Variants in GTF2IRD1 observed in about 807,000 individuals in gnomAD.
The protein encoded by GTF2IRD1 is general transcription factor II-I repeat domain-containing protein 1.
GTF2IRD1 carries 26 observed loss-of-function variants against 113.2 expected under a neutral mutation model. The ratio of observed to expected loss-of-function variants is 0.23; its 90% CI spans 0.17 to 0.32. The LOEUF is 0.32. Among genes scored for constraint, GTF2IRD1 ranks in the 10% least tolerant of loss-of-function variants. The pLI, the probability that GTF2IRD1 is intolerant of heterozygous loss-of-function variation, is 1.00. For missense variants in GTF2IRD1, 864 were observed against 1,280.8 expected (o/e 0.67, Z 4.97); for synonymous variants, 484 against 529.1 (o/e 0.91, Z 1.17).
intron 22 of GTF2IRD1, among the ~76,000 whole-genome samples, chr7:74,569,120 A>G (rs1397960122): frequency 3.0e-4 from 46 of 151,372 alleles, no homozygotes; most frequent in Non-Finnish European, 3.1e-4. Flanking sequence ...GAAGTAGCTC[A>G]CTCTCCTCTG....
chr7:74,588,135 T>C (rs1801832993), intron 22 of GTF2IRD1, among the ~76,000 whole-genome samples: 1 of 149,440 alleles, frequency 6.7e-6, no homozygotes, highest in East Asian at 2.0e-4. Context: ...GAGACGGAGT[T>C]TCGCTCTTGT....
chr7:74,483,380 A>T (rs1282565917), intron 1 of GTF2IRD1, among the ~76,000 whole-genome samples: 2 of 151,994 alleles, frequency 1.3e-5, no homozygotes, highest in Non-Finnish European at 2.9e-5. Context: ...TCTAAAAAAA[A>T]AAAAATTTTT....
At chr7:74,463,913 G>A (rs1011834740) in intron 1 of GTF2IRD1, among the ~76,000 whole-genome samples, 4 of 151,970 alleles carry the variant, frequency 2.6e-5, no homozygotes, top group Non-Finnish European at 5.9e-5. Flanking sequence ...TAGTAGAGGC[G>A]GAGTTTCACC....
chr7:74,470,107 C>T (rs1793990481), intron 1 of GTF2IRD1, among the ~76,000 whole-genome samples: 1 of 152,102 alleles, frequency 6.6e-6, no homozygotes, highest in Non-Finnish European at 1.5e-5. Context: ...CAGCTATTCT[C>T]CTGCCTCAGC....
chr7:74,583,378 T>C (rs1254394888), intron 22 of GTF2IRD1, among the ~76,000 whole-genome samples: 20 of 148,440 alleles, frequency 1.3e-4, no homozygotes, highest in African/African-American at 4.5e-4. Flanking sequence ...TTTCTTTTTT[T>C]TTTTTTTTTT....
At chr7:74,546,121 C>T (rs1264086572) in intron 16 of GTF2IRD1, among the ~76,000 whole-genome samples, 3 of 152,074 alleles carry the variant, frequency 2.0e-5, no homozygotes, top group African/African-American at 7.2e-5. Context: ...CCGCCCTCAC[C>T]CTCATCCAGG....
intron 1 of GTF2IRD1, among the ~76,000 whole-genome samples, chr7:74,480,632 C>G (rs1794683316): frequency 6.6e-6 from 1 of 152,174 alleles, no homozygotes; most frequent in Non-Finnish European, 1.5e-5. Flanking sequence ...CAGGCTCAGG[C>G]TTTAAATAAC....
chr7:74,479,395 A>G (rs546285399), intron 1 of GTF2IRD1, among the ~76,000 whole-genome samples: 1 of 107,614 alleles, frequency 9.3e-6, no homozygotes, highest in Admixed American at 1.3e-4. Flanking sequence ...AGGCCCGACC[A>G]GGACACGTGG....
intron 22 of GTF2IRD1, among the ~76,000 whole-genome samples, chr7:74,579,192 G>A (rs1442684276): frequency 3.3e-5 from 5 of 152,168 alleles, no homozygotes; most frequent in Non-Finnish European, 5.9e-5. Context: ...GTGGTGGTAT[G>A]CACCTGTAGG....
chr7:74,519,642 C>T lies in GTF2IRD1; in HGVS notation c.839C>T (p.Ala280Val). Residue 280 changes from alanine to valine, a missense_variant, in exon 6 of 27, where the codon GCC becomes GTC. Coordinates refer to ENST00000424337, the MANE Select transcript of GTF2IRD1 (RefSeq NM_005685.4). Reference protein sequence around the residue: ...LKQEAPSCPLAPSDLGLSRPM... With the variant: ...LKQEAPSCPLVPSDLGLSRPM... ...CAGGAAGCACCTTCCTGCCCCCTTGCCCCCAGCGACCTGGGCCTGAGTCGG... is the reference window on the plus strand; with the variant it reads ...CAGGAAGCACCTTCCTGCCCCCTTGTCCCCAGCGACCTGGGCCTGAGTCGG... The T allele has an allele frequency of 6.2e-7, 1 of 1,610,556 alleles. No individual in the cohort carries two copies. The highest frequency in any genetic ancestry group is 8.5e-7 in the Non-Finnish European group (1 of 1,178,656).
At chr7:74,514,920 G>C (rs1796837128) in intron 3 of GTF2IRD1, among the ~76,000 whole-genome samples, 1 of 151,910 alleles carries the variant, frequency 6.6e-6, no homozygotes, top group African/African-American at 2.4e-5. Flanking sequence ...AGCTGGGTAA[G>C]GTGGCAGGCG....
chr7:74,538,699 C>G lies in GTF2IRD1; in HGVS notation c.1467C>G (p.Gly489=). 1 of 1,602,558 alleles carries G rather than the reference C, an allele frequency of 6.2e-7. No individual in the cohort carries two copies. Among genetic ancestry groups the G allele is most frequent in the Non-Finnish European group, 8.6e-7 (1 of 1,169,456 alleles). ...DCGPGTSGEL[G]GLRPIKIEPE... ...TTGCAGGAACCTCCGGGGAGCTGGG[C>G]GGGCTGAGGCCGATCAAAATTGAGC... The change falls in exon 13 of 27, where the codon GGC becomes GGG. Residue 489 remains glycine (G), a synonymous_variant. Transcript: ENST00000424337.
At chr7:74,580,243 C>T (rs1300503905) in intron 22 of GTF2IRD1, among the ~76,000 whole-genome samples, 1 of 152,188 alleles carries the variant, frequency 6.6e-6, no homozygotes. Context: ...CTGCCCGGGC[C>T]TGGCAGGGAG....
intron 1 of GTF2IRD1, among the ~76,000 whole-genome samples, chr7:74,469,540 C>T (rs1468556784): frequency 6.6e-6 from 1 of 152,010 alleles, no homozygotes; most frequent in African/African-American, 2.4e-5. Flanking sequence ...TGTGGTCTTT[C>T]GAGTCTGGCC....
In GTF2IRD1 at chr7:74,521,197, C is replaced by G. The variant is rs782302220; in HGVS notation, c.917-11C>G. On this transcript the variant is annotated splice_polypyrimidine_tract_variant and intron_variant, in intron 6 of 26. Coordinates refer to ENST00000424337, the MANE Select transcript of GTF2IRD1 (RefSeq NM_005685.4). ...CCACCTGGAACCTTCTTCCTTCTCTCCCTTGTCCAGGACAGAAGCCCACTG... is the reference window on the plus strand; with the variant it reads ...CCACCTGGAACCTTCTTCCTTCTCTGCCTTGTCCAGGACAGAAGCCCACTG... The G allele has an allele frequency of 1.3e-6, 2 of 1,548,772 alleles. No homozygotes were observed. The highest frequency in any genetic ancestry group is 4.5e-5 in the East Asian group (2 of 44,522).
chr7:74,561,217 C>T (rs187569127), intron 22 of GTF2IRD1, among the ~76,000 whole-genome samples: 45 of 151,806 alleles, frequency 3.0e-4, no homozygotes, highest in East Asian at 5.9e-4. Flanking sequence ...GGTGTGGTGG[C>T]GCACACCTGT....
chr7:74,501,042 A>G (rs1334761936), intron 1 of GTF2IRD1, among the ~76,000 whole-genome samples: 8 of 152,176 alleles, frequency 5.3e-5, no homozygotes, highest in African/African-American at 1.9e-4. Context: ...CTCTGGGGAC[A>G]CTTGGGGAGA....
At chr7:74,496,976 A>G (rs1394005870) in intron 1 of GTF2IRD1, among the ~76,000 whole-genome samples, 3 of 152,154 alleles carry the variant, frequency 2.0e-5, no homozygotes, top group South Asian at 2.1e-4. Context: ...AGCCTGGGCA[A>G]CATAGCAAGA....
intron 1 of GTF2IRD1, among the ~76,000 whole-genome samples, chr7:74,474,994 T>G (rs1794319041): frequency 6.6e-6 from 1 of 152,170 alleles, no homozygotes; most frequent in African/African-American, 2.4e-5. Context: ...TGGTGGTGTG[T>G]GCCTGTAGTC....
Sources: gnomAD v4.1 joint callset for allele counts (sites outside exome capture counted in the v4.1 genomes callset) on GRCh38, gnomAD v4.1.1 for gene constraint, MANE v1.5 for transcripts, NCBI Gene and HGNC (gene_info 2026-07-23, HGNC 2026-07-21) for gene names.